OR6C2: variants seen among roughly 807,000 people sequenced by gnomAD.
The protein encoded by OR6C2 is olfactory receptor 6C2.
For missense variants in OR6C2, 435 were observed against 365.8 expected (o/e 1.19, Z -1.54); for synonymous variants, 146 against 134.2 (o/e 1.09, Z -0.61).
At position 55,453,150 on chromosome 12, in the gene OR6C2, T is replaced by A; in HGVS notation, c.937T>A (p.Ter313LysextTer3). Residue 313 changes from the stop codon to lysine (K), a stop_lost, in exon 2 of 2, where the codon TAG becomes AAG. Coordinates refer to ENST00000641202, the MANE Select transcript of OR6C2 (RefSeq NM_054105.2). Reference sequence around the variant, plus strand: ...GAGGATTGCATTTCTCTCAAAGAAGTAGAAGCTGTGATGAATTGGCATAAA... The same window carrying A: ...GAGGATTGCATTTCTCTCAAAGAAGAAGAAGCTGTGATGAATTGGCATAAA... The part of the protein sequence containing the change: ...IKRIAFLSKK[*>K] 1 of 1,607,402 alleles carries A rather than the reference T, an allele frequency of 6.2e-7. No individual in the cohort carries two copies. The highest frequency in any genetic ancestry group is 1.3e-5 in the African/African-American group (1 of 74,738).
chr12:55,446,431 G>C (rs117111161), intron 1 of OR6C2, among the ~76,000 whole-genome samples: 2 of 152,122 alleles, frequency 1.3e-5, no homozygotes, highest in Admixed American at 6.6e-5. Flanking sequence ...CGCCCGGCCA[G>C]TGGTAATTTT....
At chr12:55,447,444 T>C (rs960489706) in intron 1 of OR6C2, among the ~76,000 whole-genome samples, 2 of 152,118 alleles carry the variant, frequency 1.3e-5, no homozygotes, top group Non-Finnish European at 2.9e-5. Context: ...AACTTACTCA[T>C]CCTGCATAAC....
In OR6C2 at chr12:55,452,266, A is replaced by T; in HGVS notation, c.53A>T (p.Asp18Val). The T allele has an allele frequency of 6.2e-7, 1 of 1,611,934 alleles. No individual in the cohort carries two copies. Among genetic ancestry groups the T allele is most frequent in the Non-Finnish European group, 8.5e-7 (1 of 1,178,890 alleles). The change falls in exon 2 of 2, where the codon GAC (aspartate) becomes GTC (valine). Residue 18 changes from aspartate to valine, a missense_variant. Transcript: ENST00000641202. ...RTFILLGLTG[D>V]PHLQVLLFIF... The stretch of plus-strand genomic sequence containing the variant: ...TTTATCCTGCTGGGACTGACAGGTG[A>T]CCCACACCTGCAAGTTCTGCTTTTT...
In OR6C2 at chr12:55,453,088, A is replaced by G; in HGVS notation, c.875A>G (p.Asn292Ser). The change falls in exon 2 of 2, where the codon AAC becomes AGC. Residue 292 changes from asparagine to serine, a missense_variant. Coordinates refer to ENST00000641202, the MANE Select transcript of OR6C2 (RefSeq NM_054105.2). ...AACCCCTTCATTTACACCTTGAGGA[A>G]CAAGCAAGTGAAACAAGCTTTCAGT... ...LLNPFIYTLR[N>S]KQVKQAFSDS... 1 of 1,613,388 alleles carries G rather than the reference A, an allele frequency of 6.2e-7. No homozygotes were observed. Among genetic ancestry groups the G allele is most frequent in the Non-Finnish European group, 8.5e-7 (1 of 1,179,578 alleles).
At position 55,452,871 on chromosome 12, in the gene OR6C2, G is replaced by C. The variant is rs777057429; in HGVS notation, c.658G>C (p.Val220Leu). ...VCVILSYLYIVRTILKFPSVQ... is the reference protein window; with the variant it reads ...VCVILSYLYILRTILKFPSVQ... ...TGTGATTCTGTCCTACTTGTACATAGTCAGAACAATTCTGAAGTTCCCTTC... is the reference window on the plus strand; with the variant it reads ...TGTGATTCTGTCCTACTTGTACATACTCAGAACAATTCTGAAGTTCCCTTC... The change falls in exon 2 of 2, where the codon GTC (valine) becomes CTC (leucine). Residue 220 changes from valine (V) to leucine (L), a missense_variant. Transcript: ENST00000641202. 1.2e-6 allele frequency: 2 copies of C among 1,613,804 alleles called. No homozygotes were observed. Among genetic ancestry groups the C allele is most frequent in the Admixed American group, 1.7e-5 (1 of 59,978 alleles).
Position 55,453,050 on chromosome 12 carries a change from C to A in OR6C2, c.837C>A (p.Val279=). The A allele has an allele frequency of 6.2e-7, 1 of 1,613,402 alleles. No individual in the cohort carries two copies. Among genetic ancestry groups the A allele is most frequent in the Non-Finnish European group, 8.5e-7 (1 of 1,179,628 alleles). ...NKGVSVLTTS[V]APLLNPFIYT... ...GAGTTTCAGTTCTTACTACTTCTGTCGCACCCTTGTTGAACCCCTTCATTT... is the reference window on the plus strand; with the variant it reads ...GAGTTTCAGTTCTTACTACTTCTGTAGCACCCTTGTTGAACCCCTTCATTT... The change falls in exon 2 of 2, where the codon GTC becomes GTA. Residue 279 remains valine, a synonymous_variant. Transcript: ENST00000641202.
intron 1 of OR6C2, among the ~76,000 whole-genome samples, chr12:55,450,083 A>G (rs1029799385): frequency 4.6e-5 from 7 of 152,072 alleles, no homozygotes; most frequent in Admixed American, 1.3e-4. Context: ...AGAACCCTAC[A>G]TAGGCCAGAT....
At chr12:55,451,098 G>A (rs1043311026) in intron 1 of OR6C2, among the ~76,000 whole-genome samples, 1 of 151,718 alleles carries the variant, frequency 6.6e-6, no homozygotes, top group Admixed American at 6.6e-5. Flanking sequence ...GATACAGGGA[G>A]GTAATATTAA....
intron 1 of OR6C2, among the ~76,000 whole-genome samples, chr12:55,447,070 A>G (rs1871377093): frequency 6.6e-6 from 1 of 152,234 alleles, no homozygotes; most frequent in African/African-American, 2.4e-5. Flanking sequence ...CAGTGAGTCT[A>G]GGGCTGAATG....
At chr12:55,444,548 C>A (rs1388466991) in intron 1 of OR6C2, among the ~76,000 whole-genome samples, 1 of 151,690 alleles carries the variant, frequency 6.6e-6, no homozygotes, top group East Asian at 1.9e-4. Flanking sequence ...TAATTCAATC[C>A]CTCATATTTA....
Position 55,452,659 on chromosome 12 carries a change from C to G in OR6C2, c.446C>G (p.Ala149Gly), listed in dbSNP as rs778683707. ...TTATTAGTTCTCTGCTGTTGGGTGG[C>G]TGGCTTGATGATCATTGTTCCACCA... ...CTLLVLCCWVAGLMIIVPPLS... is the reference protein window; with the variant it reads ...CTLLVLCCWVGGLMIIVPPLS... Residue 149 changes from alanine (A) to glycine (G), a missense_variant, in exon 2 of 2, where the codon GCT becomes GGT. Coordinates refer to ENST00000641202, the MANE Select transcript of OR6C2 (RefSeq NM_054105.2). The G allele has an allele frequency of 6.2e-7, 1 of 1,613,786 alleles. No individual in the cohort carries two copies. The highest frequency in any genetic ancestry group is 1.1e-5 in the South Asian group (1 of 91,082).
chr12:55,452,463 T>C lies in OR6C2; in HGVS notation c.250T>C (p.Ser84Pro). 1 of 1,613,694 alleles carries C rather than the reference T, an allele frequency of 6.2e-7. No individual in the cohort carries two copies. The highest frequency in any genetic ancestry group is 8.5e-7 in the Non-Finnish European group (1 of 1,179,656). Residue 84 changes from serine (S) to proline (P), a missense_variant, in exon 2 of 2, where the codon TCA becomes CCA. Transcript: ENST00000641202. Reference protein sequence around the residue: ...VCIPRFLYNISMGDNTITYNA... With the variant: ...VCIPRFLYNIPMGDNTITYNA... ...CATTCCCAGATTCTTGTACAATATA[T>C]CAATGGGGGACAATACCATTACCTA... is the stretch of plus-strand genomic sequence containing the variant.
intron 1 of OR6C2, among the ~76,000 whole-genome samples, chr12:55,448,400 T>C (rs1206127059): frequency 1.3e-5 from 2 of 150,718 alleles, no homozygotes; most frequent in African/African-American, 2.4e-5. Context: ...AATTAATTAA[T>C]TTAATTATAG....
intron 1 of OR6C2, among the ~76,000 whole-genome samples, chr12:55,448,648 A>AAAAAAAAAAAAAAAAG (rs1443480316): frequency 1.4e-5 from 2 of 141,982 alleles, no homozygotes; most frequent in Admixed American, 6.9e-5. Context: ...CACTGCAAAA[A>AAAAAAAAAAAAAAAAG]AAAAAAAAAA....
intron 1 of OR6C2, among the ~76,000 whole-genome samples, chr12:55,449,003 C>T (rs1871418879): frequency 6.6e-6 from 1 of 151,810 alleles, no homozygotes; most frequent in Admixed American, 6.6e-5. Context: ...CTAAATGAAC[C>T]TTCTAATATG....
Position 55,452,995 on chromosome 12 carries a change from C to T in OR6C2, c.782C>T (p.Ser261Phe). ...GSCIFIYIKP[S>F]AKDEVAINKG... Reference sequence around the variant, plus strand: ...TGCATCTTCATCTATATCAAGCCCTCTGCAAAAGATGAGGTGGCCATAAAT... The same window carrying T: ...TGCATCTTCATCTATATCAAGCCCTTTGCAAAAGATGAGGTGGCCATAAAT... Residue 261 changes from serine (S) to phenylalanine (F), a missense_variant, in exon 2 of 2, where the codon TCT (serine) becomes TTT (phenylalanine). Physicochemically the swap from Ser to Phe is radical, Grantham distance 155. Transcript: ENST00000641202. 1 of 1,613,700 alleles carries T rather than the reference C, an allele frequency of 6.2e-7. No individual in the cohort carries two copies. The highest frequency in any genetic ancestry group is 8.5e-7 in the Non-Finnish European group (1 of 1,179,734).
At position 55,453,143 on chromosome 12, in the gene OR6C2, AAAG is replaced by A. The variant is rs770003195; in HGVS notation, c.934_936del (p.Lys312del). 6.1e-5 allele frequency: 98 copies of A among 1,609,284 alleles called. No individual in the cohort carries two copies. In the African/African-American group the frequency reaches 1.3e-3, roughly 21 times the overall value. ...CTATAAAGAGGATTGCATTTCTCTC[AAAG>A]AAGTAGAAGCTGTGATGAATTGGCA... On this transcript the variant is annotated inframe_deletion, in exon 2 of 2. Coordinates refer to ENST00000641202, the MANE Select transcript of OR6C2 (RefSeq NM_054105.2).
chr12:55,446,802 A>G (rs978008920), intron 1 of OR6C2, among the ~76,000 whole-genome samples: 13 of 152,226 alleles, frequency 8.5e-5, no homozygotes, highest in Non-Finnish European at 1.8e-4. Context: ...AAGACTGAAA[A>G]AAAAATTAAA....
At chr12:55,445,700 A>C (rs1871349491) in intron 1 of OR6C2, among the ~76,000 whole-genome samples, 1 of 152,192 alleles carries the variant, frequency 6.6e-6, no homozygotes, top group Admixed American at 6.5e-5. Context: ...TAAAGAAGCC[A>C]GTTAGTATTT....
Sources: gnomAD v4.1 joint callset for allele counts (sites outside exome capture counted in the v4.1 genomes callset) on GRCh38, gnomAD v4.1.1 for gene constraint, MANE v1.5 for transcripts, NCBI Gene and HGNC (gene_info 2026-07-23, HGNC 2026-07-21) for gene names.